Variants in DHRSX observed in about 807,000 individuals in gnomAD.
The protein encoded by DHRSX is polyprenol dehydrogenase.
Under a neutral mutation model 34.0 loss-of-function variants are expected in DHRSX, and 31 were observed. The observed-to-expected ratio is 0.91, with a 90% CI of 0.69 to 1.23. The LOEUF is 1.23. DHRSX is among the 50% of genes most tolerant of loss of function. DHRSX has a pLI of 0.00. For synonymous variants in DHRSX, 201 were observed against 183.8 expected (o/e 1.09, Z -0.76); for missense variants, 414 against 428.1 (o/e 0.97, Z 0.29).
At chrX:2,236,120 A>T (rs1177445095) in intron 6 of DHRSX, among the ~76,000 whole-genome samples, 6 of 152,144 alleles carry the variant, frequency 3.9e-5, no homozygotes, top group Admixed American at 1.3e-4. Context: ...TCAAAGAAAA[A>T]AAATAAATAA....
chrX:2,410,679 T>C (rs2043615635), intron 2 of DHRSX, among the ~76,000 whole-genome samples: 1 of 152,192 alleles, frequency 6.6e-6, no homozygotes, highest in Admixed American at 6.5e-5. Context: ...ACTATTAGAA[T>C]GCACTTTTCA....
chrX:2,443,320 A>G (rs866484182), intron 1 of DHRSX, among the ~76,000 whole-genome samples: 11 of 152,022 alleles, frequency 7.2e-5, no homozygotes, highest in African/African-American at 2.7e-4. Context: ...GGCACCAGCC[A>G]CCGTGGCTGG....
intron 3 of DHRSX, among the ~76,000 whole-genome samples, chrX:2,384,952 T>C (rs186618434): frequency 2.3e-5 from 3 of 128,602 alleles, no homozygotes; most frequent in African/African-American, 5.3e-5. Flanking sequence ...GAAAAAAAAA[T>C]ATATATATAT....
intron 1 of DHRSX, chrX:2,489,700 G>A (rs1446372464): frequency 1.3e-5 from 21 of 1,612,820 alleles, no homozygotes; most frequent in Middle Eastern, 1.9e-4. Flanking sequence ...AGTGGGCCAC[G>A]TTCTGCTGCT....
chrX:2,244,614 G>T (rs1489692557), intron 5 of DHRSX, among the ~76,000 whole-genome samples: 1 of 152,036 alleles, frequency 6.6e-6, no homozygotes. Flanking sequence ...GCCCAGAGGC[G>T]ATCAATTTGC....
At chrX:2,434,000 G>A (rs759652043) in intron 1 of DHRSX, among the ~76,000 whole-genome samples, 39 of 151,972 alleles carry the variant, frequency 2.6e-4, no homozygotes, top group Non-Finnish European at 5.1e-4. Context: ...GGATGGTCTC[G>A]ATCTCCTGAT....
At chrX:2,428,149 GGCTA>G (rs1415269556) in intron 1 of DHRSX, among the ~76,000 whole-genome samples, 15 of 152,134 alleles carry the variant, frequency 9.9e-5, no homozygotes, top group African/African-American at 3.6e-4. Context: ...ATTACCTATT[GGCTA>G]CCATGTACGT....
intron 1 of DHRSX, among the ~76,000 whole-genome samples, chrX:2,428,321 G>A (rs1238627099): frequency 3.3e-5 from 5 of 152,080 alleles, no homozygotes; most frequent in South Asian, 2.1e-4. Context: ...ACACACACAC[G>A]TATGTTTATT....
chrX:2,494,269 C>T (rs2045228624), intron 1 of DHRSX, among the ~76,000 whole-genome samples: 1 of 150,824 alleles, frequency 6.6e-6, no homozygotes, highest in African/African-American at 2.4e-5. Context: ...TATATTATTA[C>T]ATTATTATTA....
chrX:2,335,549 C>G (rs2124555390), intron 3 of DHRSX, among the ~76,000 whole-genome samples: 1 of 151,998 alleles, frequency 6.6e-6, no homozygotes, highest in African/African-American at 2.4e-5. Context: ...CTCCCAGGTT[C>G]AAGCCATTCT....
chrX:2,405,315 C>A (rs999833078), intron 3 of DHRSX, among the ~76,000 whole-genome samples: 3 of 151,538 alleles, frequency 2.0e-5, no homozygotes, highest in Non-Finnish European at 2.9e-5. Context: ...GGTGAAACCC[C>A]GTCTCTACTA....
chrX:2,407,538 C>A (rs2043571927), intron 3 of DHRSX, among the ~76,000 whole-genome samples: 1 of 152,176 alleles, frequency 6.6e-6, no homozygotes, highest in Non-Finnish European at 1.5e-5. Flanking sequence ...AGATCAGTTT[C>A]TTTACATCCC....
intron 3 of DHRSX, among the ~76,000 whole-genome samples, chrX:2,369,482 G>C (rs1390776570): frequency 8.4e-6 from 1 of 119,290 alleles, no homozygotes; most frequent in Non-Finnish European, 2.0e-5. Context: ...TATGTGTTTA[G>C]TTTTTGTTTT....
At chrX:2,435,010 A>G (rs1218390215) in intron 1 of DHRSX, among the ~76,000 whole-genome samples, 1 of 152,120 alleles carries the variant, frequency 6.6e-6, no homozygotes, top group Non-Finnish European at 1.5e-5. Context: ...TTGACATGAG[A>G]AAAGGTACAG....
intron 6 of DHRSX, among the ~76,000 whole-genome samples, chrX:2,239,903 T>C (rs2016101244): frequency 6.6e-6 from 1 of 152,220 alleles, no homozygotes; most frequent in Non-Finnish European, 1.5e-5. Context: ...TGCTAGCGAA[T>C]ACTTAGTGCT....
At chrX:2,326,532 C>G (rs2042388343) in intron 3 of DHRSX, among the ~76,000 whole-genome samples, 1 of 152,022 alleles carries the variant, frequency 6.6e-6, no homozygotes, top group African/African-American at 2.4e-5. Context: ...CAAAAAACAA[C>G]AACAACAGAA....
At chrX:2,363,719 C>CTATGGTATCATGCCACCATTTTATCACT (rs1569493930) in intron 3 of DHRSX, among the ~76,000 whole-genome samples, 2 of 142,140 alleles carry the variant, frequency 1.4e-5, no homozygotes, top group Admixed American at 6.9e-5. Flanking sequence ...ATTTTATCAC[C>CTATGGTATCATGCCACCATTTTATCACT]GTTCTATGGT....
At chrX:2,232,727 T>A (rs2015924803) in intron 6 of DHRSX, among the ~76,000 whole-genome samples, 1 of 151,968 alleles carries the variant, frequency 6.6e-6, no homozygotes, top group South Asian at 2.1e-4. Context: ...TGCCTGCCAC[T>A]ACATCCAGCT....
At chrX:2,323,041 A>G (rs2042332204) in intron 3 of DHRSX, among the ~76,000 whole-genome samples, 1 of 138,040 alleles carries the variant, frequency 7.2e-6, no homozygotes, top group Admixed American at 7.6e-5. Context: ...CTCCTGCCTC[A>G]GCCTCCTGAG....
Sources: gnomAD v4.1 joint callset for allele counts (sites outside exome capture counted in the v4.1 genomes callset) on GRCh38, gnomAD v4.1.1 for gene constraint, MANE v1.5 for transcripts, NCBI Gene and HGNC (gene_info 2026-07-23, HGNC 2026-07-21) for gene names.